The following ADGB variants were observed in gnomAD, a reference collection of about 807,000 sequenced individuals.
ADGB encodes calpain-7-like protein.
A neutral mutation model predicts 210.5 loss-of-function variants in ADGB; 172 were observed. The ratio of observed to expected loss-of-function variants is 0.82; its 90% confidence interval spans 0.72 to 0.93. ADGB has a LOEUF of 0.93. Among genes scored for constraint, ADGB ranks in the 40% least tolerant of loss-of-function variants. The pLI, the probability that ADGB is intolerant of heterozygous loss-of-function variation, is 0.00. For missense variants in ADGB, 2,025 were observed against 1,964.8 expected, an observed-to-expected ratio of 1.03 and a Z score of -0.58; for synonymous variants, 658 against 662.7, an observed-to-expected ratio of 0.99 and a Z score of 0.11.
intron 30 of ADGB, among the ~76,000 whole-genome samples, 171 bp downstream of exon 30, chr6:146,782,363 T>C (rs934893736): frequency 2.6e-5 from 4 of 152,204 alleles, no homozygotes; most frequent in African/African-American, 9.6e-5. Context: ...AAGCTCCCTT[T>C]TCTAGTTCAG....
intron 33 of ADGB, among the ~76,000 whole-genome samples, chr6:146,789,075 A>G (rs755486766): frequency 9.9e-5 from 15 of 152,204 alleles, no homozygotes; most frequent in Non-Finnish European, 1.8e-4. Flanking sequence ...TCATTTCTAT[A>G]TGGATTCATA....
chr6:146,707,309 C>T (rs527611689), intron 13 of ADGB, among the ~76,000 whole-genome samples: 48 of 152,264 alleles, frequency 3.2e-4, no homozygotes, highest in African/African-American at 5.8e-4. Flanking sequence ...GTGTATTCCA[C>T]TGCTGCTAGA....
intron 13 of ADGB, 69 bp downstream of exon 13, chr6:146,701,139 A>G (rs1266477988): frequency 4.9e-6 from 7 of 1,442,718 alleles, no homozygotes; most frequent in Non-Finnish European, 1.9e-6. Flanking sequence ...ACATTGTGAA[A>G]CATACTATAC....
intron 1 of ADGB, among the ~76,000 whole-genome samples, chr6:146,626,033 T>A (rs1013217583): frequency 6.6e-6 from 1 of 152,038 alleles, no homozygotes; most frequent in South Asian, 2.1e-4. Flanking sequence ...GATTATATTT[T>A]AAAAATTCTA....
At chr6:146,755,947 T>A (rs911122663) in intron 27 of ADGB, among the ~76,000 whole-genome samples, 15 of 152,100 alleles carry the variant, frequency 9.9e-5, no homozygotes, top group Admixed American at 6.6e-4. Flanking sequence ...AATATCTGTA[T>A]TTTTTTGTTT....
intron 26 of ADGB, among the ~76,000 whole-genome samples, chr6:146,750,764 A>G (rs911950486): frequency 2.6e-5 from 4 of 152,124 alleles, no homozygotes; most frequent in Admixed American, 6.6e-5. Context: ...GTCTTTTTGC[A>G]AGAGGTTTCC....
intron 3 of ADGB, among the ~76,000 whole-genome samples, chr6:146,651,644 T>C (rs1372373141): frequency 2.0e-5 from 3 of 152,138 alleles, no homozygotes; most frequent in African/African-American, 7.2e-5. Flanking sequence ...TCATCTTGAC[T>C]TTGGCCTGAT....
rs915404237 is a variant in ADGB, at chr6:146,782,195, G to A, written c.4035+3G>A. The A allele has an allele frequency of 4.0e-6, 6 of 1,516,278 alleles. No individual in the cohort carries two copies. The highest frequency in any genetic ancestry group is 1.4e-5 in the African/African-American group (1 of 70,580). 93.9% of individuals were successfully genotyped at this position (1,516,278 alleles called of 1,614,324 possible). On this transcript the variant is annotated splice_donor_region_variant and intron_variant, in intron 30 of 35. Transcript: ENST00000397944. ...AAGCACCTCGCTTTGAGCCTCAGGT[G>A]GGTGTGGAATTTTTTTTATTTGAGT...
intron 35 of ADGB, 74 bp from the exon 36 acceptor site, chr6:146,814,958 T>C (rs1423782312): frequency 9.2e-6 from 13 of 1,417,276 alleles, no homozygotes; most frequent in South Asian, 1.4e-5. Flanking sequence ...GTAAAGGAAT[T>C]TCATTTTTTT....
rs572442310 is a variant in ADGB, at chr6:146,610,284, T to C, written c.74+11170T>C. Among the ~76,000 whole-genome samples, 4 of 152,354 alleles carry C rather than the reference T, an allele frequency of 2.6e-5. No homozygotes were observed. The East Asian group carries it at 5.8e-4, about 22-fold the overall frequency. On this transcript the variant is annotated intron_variant, in intron 1 of 35. Coordinates refer to ENST00000397944, the MANE Select transcript of ADGB (RefSeq NM_024694.4). ...AATTTGTTGGATTGGTTTTCAACTT[T>C]GTCCTGAATCTCCGCAATCTATGTT...
chr6:146,814,763 G>T (rs1389073364), intron 35 of ADGB, among the ~76,000 whole-genome samples: 1 of 152,068 alleles, frequency 6.6e-6, no homozygotes, highest in Admixed American at 6.6e-5. Context: ...CATTTAAACA[G>T]AATACCTTTG....
At chr6:146,793,366 C>T (rs1305727192) in intron 33 of ADGB, among the ~76,000 whole-genome samples, 1 of 152,172 alleles carries the variant, frequency 6.6e-6, no homozygotes, top group South Asian at 2.1e-4. Context: ...TTTCAATCCC[C>T]CCACTAAACA....
At chr6:146,692,789 A>G (rs1409568237) in intron 11 of ADGB, 36 bp from the exon 12 acceptor site, 1 of 1,169,056 alleles carries the variant, frequency 8.6e-7, no homozygotes, top group Non-Finnish European at 1.2e-6. Context: ...AGATTTTTTT[A>G]AATGTACATC....
At chr6:146,738,757 C>T (rs937425872) in intron 23 of ADGB, among the ~76,000 whole-genome samples, 3 of 152,128 alleles carry the variant, frequency 2.0e-5, no homozygotes, top group Admixed American at 1.3e-4. Context: ...TGCGCCCGGC[C>T]GAATCCCATT....
chr6:146,728,556 C>T lies in ADGB; in HGVS notation c.2353-18C>T, dbSNP rs1297717647. The T allele has an allele frequency of 2.6e-6, 4 of 1,547,838 alleles. No individual in the cohort carries two copies. The highest frequency in any genetic ancestry group is 2.0e-5 in the Admixed American group (1 of 50,892). ...CTTAAGGATGAGTGAGGATGGCTGC[C>T]ATGCTTTGTCTTCACAGGAGAGCTG... On this transcript the variant is annotated intron_variant, in intron 19 of 35. Transcript: ENST00000397944.
intron 13 of ADGB, among the ~76,000 whole-genome samples, chr6:146,712,054 CA>C (rs59777911): frequency 0.26 from 35,928 of 137,266 alleles, 5,103 homozygotes; most frequent in Non-Finnish European, 0.35. Flanking sequence ...CAGATCCTGT[CA>C]AAAAAAAAAA....
chr6:146,743,091 T>A (rs2114600820), intron 25 of ADGB, among the ~76,000 whole-genome samples: 1 of 152,316 alleles, frequency 6.6e-6, no homozygotes, highest in South Asian at 2.1e-4. Flanking sequence ...CAGTAGATGA[T>A]TTTTTGAATG....
intron 1 of ADGB, among the ~76,000 whole-genome samples, chr6:146,632,983 A>G (rs558432614): frequency 1.3e-4 from 20 of 152,222 alleles, no homozygotes; most frequent in African/African-American, 4.6e-4. Flanking sequence ...AATACCACCT[A>G]GATGCTGATG....
rs150230991 is a variant in ADGB, at chr6:146,721,545, A to G, written c.2095+40A>G. On this transcript the variant is annotated intron_variant, in intron 17 of 35. Transcript: ENST00000397944. Reference sequence around the variant, plus strand: ...AGAAAATGATAGCCTTAAAGCCTAGATCATGTTCAGGCTAGGGCGTGGTGG... The same window carrying G: ...AGAAAATGATAGCCTTAAAGCCTAGGTCATGTTCAGGCTAGGGCGTGGTGG... 5.4e-4 allele frequency: 781 copies of G among 1,444,362 alleles called. 1 individual carries two copies. In the African/African-American group the frequency reaches 9.7e-3, roughly 18 times the overall value. 89.5% of individuals were successfully genotyped at this position (1,444,362 alleles called of 1,614,324 possible).
Sources: allele counts gnomAD v4.1 joint callset (sites outside exome capture counted in the v4.1 genomes callset), GRCh38; gene constraint gnomAD v4.1.1; transcripts MANE v1.5; gene names NCBI Gene and HGNC (gene_info 2026-07-23, HGNC 2026-07-21).